The following HABP4 variants were observed in gnomAD, a reference collection of about 807,000 sequenced individuals.
HABP4 encodes the protein intracellular hyaluronan-binding protein 4.
Under a neutral mutation model 44.1 loss-of-function variants are expected in HABP4, and 32 were observed. The observed-to-expected ratio is 0.73, with a 90% CI of 0.55 to 0.97. The LOEUF (loss-of-function observed/expected upper bound fraction) is 0.97, where lower values mean the gene tolerates loss of function less well. Among genes scored for constraint, HABP4 ranks in the 50% least tolerant of loss-of-function variants. HABP4 has a pLI of 0.00. For synonymous variants in HABP4, 216 were observed against 218.0 expected, an observed-to-expected ratio of 0.99 and a Z score of 0.08; for missense variants, 503 against 561.9, an observed-to-expected ratio of 0.90 and a Z score of 1.06.
At chr9:96,467,816 G>A (rs1267440456) in intron 4 of HABP4, among the ~76,000 whole-genome samples, 1 of 152,100 alleles carries the variant, frequency 6.6e-6, no homozygotes, top group Non-Finnish European at 1.5e-5. Context: ...GTGAGCTACC[G>A]TGCCCAGCTT....
chr9:96,470,853 C>G (rs1303839938), intron 4 of HABP4, among the ~76,000 whole-genome samples, 158 bp from the exon 5 acceptor site: 1 of 150,282 alleles, frequency 6.7e-6, no homozygotes, highest in African/African-American at 2.5e-5. Flanking sequence ...CGAGATTGCA[C>G]CACTGCACTC....
At chr9:96,481,834 AAAT>A (rs1245836402) in intron 5 of HABP4, among the ~76,000 whole-genome samples, 2 of 152,160 alleles carry the variant, frequency 1.3e-5, no homozygotes, top group Admixed American at 6.5e-5. Flanking sequence ...ATTGCAGTAA[AAAT>A]AACATAAAAA....
intron 2 of HABP4, among the ~76,000 whole-genome samples, chr9:96,463,541 C>T (rs1191118981): frequency 6.6e-6 from 1 of 152,210 alleles, no homozygotes; most frequent in Non-Finnish European, 1.5e-5. Flanking sequence ...AGGCGTGAGC[C>T]ACCGAGCCCA....
chr9:96,468,085 T>C (rs113255878), intron 4 of HABP4, among the ~76,000 whole-genome samples: 2,491 of 152,116 alleles, frequency 0.016, 68 homozygotes, highest in African/African-American at 0.056. Context: ...CTTTTTTTTT[T>C]CCTCTCTCTG....
rs16910879 is a variant in HABP4, at chr9:96,488,459, C to T, written c.1185+185C>T. 0.014 allele frequency among the ~76,000 whole-genome samples: 2,079 copies of T among 152,268 alleles called. 46 individuals are homozygous for T. The highest frequency in any genetic ancestry group is 0.047 in the African/African-American group (1,951 of 41,530). ...ATGGACATCTTGCCTAGAGACCGTT[C>T]TGTAGCCCTGGCTTCCAGGGTCTGC... On this transcript the variant is annotated intron_variant, in intron 7 of 7. Transcript: ENST00000375249. This position sits in a 1 kb window ranked among gnomAD's most constrained non-coding sequence, Gnocchi z 4.6.
At chr9:96,454,607 G>A (rs1023051137) in intron 1 of HABP4, among the ~76,000 whole-genome samples, 9 of 152,108 alleles carry the variant, frequency 5.9e-5, no homozygotes, top group African/African-American at 1.9e-4. Context: ...CCGCCACCAC[G>A]CCTGGCTAAT....
chr9:96,456,509 C>T (rs1030961402), intron 1 of HABP4, among the ~76,000 whole-genome samples: 8 of 151,682 alleles, frequency 5.3e-5, no homozygotes, highest in African/African-American at 1.9e-4. Flanking sequence ...GCCTGTAATC[C>T]CAGCACTTTG....
intron 3 of HABP4, 100 bp from the exon 4 acceptor site, chr9:96,465,610 T>G: frequency 8.7e-7 from 1 of 1,152,380 alleles, no homozygotes. Context: ...GTTATTCTTG[T>G]GAGAAGCTGA....
Position 96,453,326 on chromosome 9 carries a change from G to A in HABP4, c.349+2698G>A, listed in dbSNP as rs7041854. 8.0e-3 allele frequency among the ~76,000 whole-genome samples: 1,210 copies of A among 151,872 alleles called. 8 individuals carry two copies. Among genetic ancestry groups the A allele is most frequent in the Middle Eastern group, 0.054 (16 of 294 alleles). ...CTTGACCTCATGATCTGCTTGCCTT[G>A]GCCTCCCAAAGTGCTGGGATTACAG... On this transcript the variant is annotated intron_variant, in intron 1 of 7. Transcript: ENST00000375249.
intron 6 of HABP4, among the ~76,000 whole-genome samples, chr9:96,485,687 T>A (rs1336023150): frequency 1.3e-5 from 2 of 152,214 alleles, no homozygotes; most frequent in African/African-American, 4.8e-5. Flanking sequence ...GACTTGTTAC[T>A]GAACTTAAGG....
intron 5 of HABP4, among the ~76,000 whole-genome samples, chr9:96,471,519 G>C (rs1832698274): frequency 6.6e-6 from 1 of 152,138 alleles, no homozygotes; most frequent in African/African-American, 2.4e-5. Context: ...TGACCTTAAT[G>C]TATGAATGAC....
chr9:96,481,048 A>G (rs1318611417), intron 5 of HABP4, among the ~76,000 whole-genome samples: 1 of 152,106 alleles, frequency 6.6e-6, no homozygotes, highest in East Asian at 1.9e-4. Flanking sequence ...TCTTCAGTGA[A>G]GATACAGATT....
intron 5 of HABP4, among the ~76,000 whole-genome samples, chr9:96,476,517 T>G (rs977536437): frequency 2.0e-5 from 3 of 152,220 alleles, no homozygotes; most frequent in Non-Finnish European, 4.4e-5. Context: ...CCCAAAAGTT[T>G]TTTATAACAA....
chr9:96,490,200 T>G lies in HABP4; in HGVS notation c.*162T>G. 1 of 613,040 alleles carries G rather than the reference T, an allele frequency of 1.6e-6. No homozygotes were observed. Among genetic ancestry groups the G allele is most frequent in the Non-Finnish European group, 2.9e-6 (1 of 340,822 alleles). 38.0% of individuals were successfully genotyped at this position (613,040 alleles called of 1,614,324 possible). A position where few individuals can be genotyped will look rare whatever the true frequency, so the allele number is the denominator to read the frequency against. On this transcript the variant is annotated 3_prime_UTR_variant, in exon 8 of 8. Coordinates refer to ENST00000375249, the MANE Select transcript of HABP4 (RefSeq NM_014282.4). ...TGGGCTGAGCTGTTAGAGGGGCTTC[T>G]CCAGAGGCTCGAGAGCAGGCCATTT... is the stretch of plus-strand genomic sequence containing the variant.
chr9:96,451,408 C>T (rs776345453), intron 1 of HABP4: 12 of 912,692 alleles, frequency 1.3e-5, no homozygotes, highest in East Asian at 1.2e-4. Flanking sequence ...CATTCTCTCA[C>T]CGAACTGCGT....
In HABP4 at chr9:96,465,308, C is replaced by A. The variant is rs532774472; in HGVS notation, c.513-29C>A. 82 of 1,495,162 alleles carry A rather than the reference C, an allele frequency of 5.5e-5. No individual in the cohort carries two copies. In the South Asian group the frequency reaches 9.1e-4, roughly 17 times the overall value. The allele number at this position is 1,495,162 out of a possible 1,614,324, so 92.6% of individuals were successfully genotyped here. Reference sequence around the variant, plus strand: ...GAGAGACCTTAGACCTTTAATTTACCAGTTTTTATTATATCCACTCCTTCC... The same window carrying A: ...GAGAGACCTTAGACCTTTAATTTACAAGTTTTTATTATATCCACTCCTTCC... On this transcript the variant is annotated intron_variant, in intron 2 of 7. Transcript: ENST00000375249.
intron 7 of HABP4, 126 bp from the exon 8 acceptor site, chr9:96,489,852 CCCTT>C: frequency 1.4e-6 from 1 of 716,144 alleles, no homozygotes; most frequent in Non-Finnish European, 2.6e-6. Flanking sequence ...TGTGACTCTC[CCCTT>C]CCCACTGTGG....
rs926000538 is a variant in HABP4, at chr9:96,490,387, A to G, written c.*349A>G. On this transcript the variant is annotated 3_prime_UTR_variant, in exon 8 of 8. Coordinates refer to ENST00000375249, the MANE Select transcript of HABP4 (RefSeq NM_014282.4). ...TCCATGGAGACTCTTAGGAAGCAGT[A>G]GATTCCCGGGGGCTGTGCCTTTAGC... 3 of 211,388 alleles carry G rather than the reference A, an allele frequency of 1.4e-5. No individual in the cohort carries two copies. Among genetic ancestry groups the G allele is most frequent in the Non-Finnish European group, 2.8e-5 (3 of 106,634 alleles). The allele number at this position is 211,388 out of a possible 1,614,324, so 13.1% of individuals were successfully genotyped here. A position where few individuals can be genotyped will look rare whatever the true frequency, so the allele number is the denominator to read the frequency against.
chr9:96,475,371 G>A (rs1289112083), intron 5 of HABP4, among the ~76,000 whole-genome samples: 1 of 110,580 alleles, frequency 9.0e-6, no homozygotes, highest in East Asian at 2.0e-4. Flanking sequence ...GCGAGACTCC[G>A]TCTCAACAAC....
Sources: gnomAD v4.1 joint callset for allele counts (sites outside exome capture counted in the v4.1 genomes callset) on GRCh38, gnomAD v4.1.1 for gene constraint, Gnocchi (gnomAD v3.1) non-coding constraint, MANE v1.5 for transcripts, NCBI Gene and HGNC (gene_info 2026-07-23, HGNC 2026-07-21) for gene names.